SUFU: variants seen among roughly 807,000 people sequenced by gnomAD.
The protein encoded by SUFU is suppressor of fused homolog.
SUFU carries 7 observed loss-of-function variants against 58.9 expected under a neutral mutation model. The observed-to-expected ratio is 0.12, with a 90% confidence interval of 0.07 to 0.22. SUFU has a LOEUF of 0.22. Among genes scored for constraint, SUFU ranks in the 10% least tolerant of loss-of-function variants. The pLI is 1.00. For synonymous variants in SUFU, 232 were observed against 254.8 expected, an observed-to-expected ratio of 0.91 and a Z score of 0.85; for missense variants, 451 against 641.3, an observed-to-expected ratio of 0.70 and a Z score of 3.20.
At position 102,593,733 on chromosome 10, in the gene SUFU, T is replaced by C. The variant is rs1164701799; in HGVS notation, c.683+12T>C. The C allele has an allele frequency of 6.2e-6, 10 of 1,613,708 alleles. No individual in the cohort carries two copies. The highest frequency in any genetic ancestry group is 6.8e-6 in the Non-Finnish European group (8 of 1,179,746). ...CGGACAGTGCCTATGTGAGTACCCATGCAAGGTGGGAGCGCGGCTCCCTGG... is the reference window on the plus strand; with the variant it reads ...CGGACAGTGCCTATGTGAGTACCCACGCAAGGTGGGAGCGCGGCTCCCTGG... On this transcript the variant is annotated intron_variant, in intron 5 of 11. Transcript: ENST00000369902.
chr10:102,582,342 C>G (rs916539362), intron 3 of SUFU, among the ~76,000 whole-genome samples: 4 of 152,180 alleles, frequency 2.6e-5, no homozygotes, highest in African/African-American at 9.7e-5. Context: ...TTTGTAAGAA[C>G]TCAAGGAATG....
intron 2 of SUFU, among the ~76,000 whole-genome samples, chr10:102,536,242 G>A (rs1183940819): frequency 1.3e-5 from 2 of 151,910 alleles, no homozygotes; most frequent in Non-Finnish European, 2.9e-5. Flanking sequence ...TGGGATTACA[G>A]GCGTGAGCGT....
intron 5 of SUFU, 26 bp downstream of exon 5, chr10:102,593,747 G>C: frequency 6.2e-7 from 1 of 1,605,986 alleles, no homozygotes; most frequent in East Asian, 2.2e-5. Flanking sequence ...AGGTGGGAGC[G>C]CGGCTCCCTG....
At chr10:102,527,721 A>G (rs1429046569) in intron 2 of SUFU, among the ~76,000 whole-genome samples, 1 of 152,166 alleles carries the variant, frequency 6.6e-6, no homozygotes, top group Non-Finnish European at 1.5e-5. Context: ...TACAGAACAC[A>G]CAAAAAGTAC....
intron 10 of SUFU, among the ~76,000 whole-genome samples, chr10:102,621,329 G>C (rs890265826): frequency 6.6e-6 from 1 of 152,154 alleles, no homozygotes; most frequent in Non-Finnish European, 1.5e-5. Context: ...CCAGCAATGC[G>C]CCTGGGGAAG....
At chr10:102,608,911 C>G (rs543954464) in intron 8 of SUFU, among the ~76,000 whole-genome samples, 1 of 152,322 alleles carries the variant, frequency 6.6e-6, no homozygotes, top group East Asian at 1.9e-4. Context: ...AGAGGCTTCT[C>G]TTAAATTAAA....
intron 2 of SUFU, among the ~76,000 whole-genome samples, chr10:102,518,786 A>G (rs1363165290): frequency 6.6e-6 from 1 of 151,680 alleles, no homozygotes; most frequent in Non-Finnish European, 1.5e-5. Context: ...AGCTCAAGCC[A>G]TCCCAAAGTG....
chr10:102,596,534 A>T (rs1362797031), intron 6 of SUFU, among the ~76,000 whole-genome samples: 5 of 152,216 alleles, frequency 3.3e-5, no homozygotes, highest in Non-Finnish European at 7.3e-5. Flanking sequence ...AAGAAATGGG[A>T]AGGAATCTCC....
chr10:102,615,307 C>T lies in SUFU; in HGVS notation c.1062C>T (p.Ala354=). ...GCCTGGAAAGTGACAGCTCCACGGC[C>T]ATCATTCCCCATGAGCTGATTCGCA... ...KDSLESDSST[A]IIPHELIRTR... Residue 354 remains alanine, a synonymous_variant, in exon 9 of 12, where the codon GCC becomes GCT. Coordinates refer to ENST00000369902, the MANE Select transcript of SUFU (RefSeq NM_016169.4). The T allele has an allele frequency of 1.2e-6, 2 of 1,614,194 alleles. No individual in the cohort carries two copies. Among genetic ancestry groups the T allele is most frequent in the Non-Finnish European group, 1.7e-6 (2 of 1,180,042 alleles).
chr10:102,551,814 T>C (rs2135747963), intron 3 of SUFU, among the ~76,000 whole-genome samples: 1 of 138,046 alleles, frequency 7.2e-6, no homozygotes, highest in Admixed American at 8.1e-5. Flanking sequence ...AAGCTCCGCC[T>C]TCTGGGTTCA....
chr10:102,576,399 G>A (rs986028768), intron 3 of SUFU, among the ~76,000 whole-genome samples: 1 of 151,928 alleles, frequency 6.6e-6, no homozygotes, highest in African/African-American at 2.4e-5. Flanking sequence ...TCAGTTGACG[G>A]TATGTCTTGA....
intron 3 of SUFU, among the ~76,000 whole-genome samples, chr10:102,584,284 A>C (rs2063314374): frequency 6.6e-6 from 1 of 152,234 alleles, no homozygotes; most frequent in South Asian, 2.1e-4. Context: ...TTCAGCTGGT[A>C]ACTGCACAAG....
At chr10:102,545,006 C>G in intron 2 of SUFU, among the ~76,000 whole-genome samples, 1 of 152,134 alleles carries the variant, frequency 6.6e-6, no homozygotes, top group East Asian at 1.9e-4. Flanking sequence ...TTTTGTTTAT[C>G]CATTCCTCAG....
chr10:102,582,508 G>T (rs184858112), intron 3 of SUFU, among the ~76,000 whole-genome samples: 1 of 152,194 alleles, frequency 6.6e-6, no homozygotes, highest in Admixed American at 6.5e-5. Context: ...GGTGGGGGTG[G>T]GGTGATGGCC....
intron 3 of SUFU, among the ~76,000 whole-genome samples, 191 bp from the exon 4 acceptor site, chr10:102,592,391 G>A (rs542936830): frequency 2.4e-4 from 37 of 152,262 alleles, no homozygotes; most frequent in African/African-American, 8.2e-4. Context: ...CTGGCAAGCA[G>A]GAACAATTTA....
At chr10:102,602,525 T>C (rs2063523679) in intron 8 of SUFU, among the ~76,000 whole-genome samples, 1 of 152,226 alleles carries the variant, frequency 6.6e-6, no homozygotes, top group Non-Finnish European at 1.5e-5. Context: ...CCATGAGCCT[T>C]GATGATTCCA....
intron 3 of SUFU, among the ~76,000 whole-genome samples, chr10:102,564,986 G>A (rs1221778150): frequency 6.6e-6 from 1 of 152,198 alleles, no homozygotes; most frequent in Non-Finnish European, 1.5e-5. Flanking sequence ...TAAAATTTAA[G>A]TGATTTAGCC....
At chr10:102,551,553 G>A (rs1043012954) in intron 3 of SUFU, among the ~76,000 whole-genome samples, 9 of 151,364 alleles carry the variant, frequency 5.9e-5, no homozygotes, top group South Asian at 2.1e-4. Context: ...CAGGAGAATC[G>A]CTTGAACGCG....
chr10:102,551,237 T>C (rs973331084), intron 3 of SUFU, among the ~76,000 whole-genome samples: 1 of 152,212 alleles, frequency 6.6e-6, no homozygotes, highest in Non-Finnish European at 1.5e-5. Context: ...GGGTCTTCTC[T>C]AAGCAGGAGT....
Sources: allele counts gnomAD v4.1 joint callset (sites outside exome capture counted in the v4.1 genomes callset), GRCh38; gene constraint gnomAD v4.1.1; transcripts MANE v1.5; gene names NCBI Gene and HGNC (gene_info 2026-07-23, HGNC 2026-07-21).